The following KIAA1755 variants were observed in gnomAD, a reference collection of about 807,000 sequenced individuals.
KIAA1755 encodes KIAA1755, also known as uncharacterized protein KIAA1755.
KIAA1755 carries 68 observed loss-of-function variants against 91.7 expected under a neutral mutation model. The ratio of observed to expected loss-of-function variants is 0.74; its 90% CI spans 0.61 to 0.91. KIAA1755 has a LOEUF of 0.91. KIAA1755 is among the 40% of genes least tolerant of loss of function. The probability of loss-of-function intolerance (pLI) is 0.00; values close to 1 mark genes in which losing one functional copy is unlikely to be tolerated. For synonymous variants in KIAA1755, 610 were observed against 604.6 expected (o/e 1.01, Z -0.13); for missense variants, 1,535 against 1,494.4 (o/e 1.03, Z -0.45).
rs2075772995 is a variant in KIAA1755, at chr20:38,227,179, T to C, written c.2027A>G (p.Gln676Arg). The change falls in exon 7 of 14, where the codon CAG becomes CGG. Residue 676 changes from glutamine (Q) to arginine (R), a missense_variant. Coordinates refer to ENST00000279024, the MANE Select transcript of KIAA1755 (RefSeq NM_001029864.2). Reference protein sequence around the residue: ...LFLGEKEAALQLQTLPDVQVE... With the variant: ...LFLGEKEAALRLQTLPDVQVE... ...CTGGACGTCAGGTAATGTCTGCAGC[T>C]GGAGAGCCGCCTCCTTCTCCCCCAG... 6 of 1,613,826 alleles carry C rather than the reference T, an allele frequency of 3.7e-6. No homozygotes were observed. The highest frequency in any genetic ancestry group is 5.1e-6 in the Non-Finnish European group (6 of 1,179,906).
chr20:38,232,329 T>TA lies in KIAA1755; in HGVS notation c.1748-1005dup, dbSNP rs971063377. 1.3e-3 allele frequency among the ~76,000 whole-genome samples: 200 copies of TA among 150,618 alleles called. 1 individual carries two copies. The highest frequency in any genetic ancestry group is 1.4e-3 in the Non-Finnish European group (94 of 67,514). On this transcript the variant is annotated intron_variant, in intron 4 of 13. Coordinates refer to ENST00000279024, the MANE Select transcript of KIAA1755 (RefSeq NM_001029864.2). ...TTAAAATCTGATATAATTTTTAAAA[T>TA]AAAAAAAAAATTTGTGGCTGGGCAC...
intron 1 of KIAA1755, among the ~76,000 whole-genome samples, chr20:38,247,042 C>G (rs1036291732): frequency 6.6e-6 from 1 of 152,140 alleles, no homozygotes; most frequent in Non-Finnish European, 1.5e-5. Flanking sequence ...AGCCCGTCCC[C>G]CTGGCAGTCA....
chr20:38,232,061 G>T (rs190682922), intron 4 of KIAA1755, among the ~76,000 whole-genome samples: 3 of 152,298 alleles, frequency 2.0e-5, no homozygotes, highest in Admixed American at 2.0e-4. Flanking sequence ...AAATACAGCA[G>T]CAGGGAAAGA....
intron 10 of KIAA1755, among the ~76,000 whole-genome samples, chr20:38,220,163 T>G (rs955203183): frequency 6.6e-6 from 1 of 152,200 alleles, no homozygotes; most frequent in Non-Finnish European, 1.5e-5. Flanking sequence ...TTGTAAGGAT[T>G]AAATGATCTA....
intron 7 of KIAA1755, among the ~76,000 whole-genome samples, chr20:38,226,387 G>C (rs2075757000): frequency 6.6e-6 from 1 of 152,150 alleles, no homozygotes; most frequent in African/African-American, 2.4e-5. Flanking sequence ...TCAAAGTGTG[G>C]TCCATGGGCC....
chr20:38,231,042 G>A (rs2075851826), intron 5 of KIAA1755, among the ~76,000 whole-genome samples, 160 bp downstream of exon 5: 1 of 152,188 alleles, frequency 6.6e-6, no homozygotes, highest in Admixed American at 6.5e-5. Flanking sequence ...CAGGGACTGA[G>A]GCTGTTTTGC....
chr20:38,213,102 C>A lies in KIAA1755; in HGVS notation c.3543G>T (p.Gly1181=). The change falls in exon 14 of 14, where the codon GGG becomes GGT. Residue 1181 remains glycine, a synonymous_variant. Coordinates refer to ENST00000279024, the MANE Select transcript of KIAA1755 (RefSeq NM_001029864.2). ...CCTCAAGGGATGTCTGTGAGTCTGTCCCCTCTGAGGAGAAGCTGCCCCCAG... is the reference window on the plus strand; with the variant it reads ...CCTCAAGGGATGTCTGTGAGTCTGTACCCTCTGAGGAGAAGCTGCCCCCAG... ...RLTGGSFSSE[G]TDSQTSLEDS... 1 of 1,596,352 alleles carries A rather than the reference C, an allele frequency of 6.3e-7. No homozygotes were observed. Among genetic ancestry groups the A allele is most frequent in the South Asian group, 1.1e-5 (1 of 87,820 alleles).
chr20:38,255,158 C>G (rs1189938015), intron 1 of KIAA1755, among the ~76,000 whole-genome samples: 2 of 151,248 alleles, frequency 1.3e-5, no homozygotes, highest in Non-Finnish European at 1.5e-5. Context: ...GCCTGGGTGA[C>G]AGAGTGAGAT....
intron 4 of KIAA1755, chr20:38,233,255 G>A (rs2075901310): frequency 1.3e-5 from 2 of 152,176 alleles, no homozygotes; most frequent in African/African-American, 2.4e-5. Flanking sequence ...AATAGATGAA[G>A]CATGACAAAA....
intron 10 of KIAA1755, among the ~76,000 whole-genome samples, chr20:38,220,325 G>A (rs1411836228): frequency 6.6e-5 from 9 of 135,674 alleles, no homozygotes; most frequent in South Asian, 2.3e-4. Context: ...TTTTTGAGAC[G>A]GAGTCTCACT....
chr20:38,220,501 GACAGGGTTTC>G (rs2075638489), intron 10 of KIAA1755, among the ~76,000 whole-genome samples: 2 of 152,020 alleles, frequency 1.3e-5, no homozygotes, highest in African/African-American at 4.8e-5. Context: ...TTTTAGTAGA[GACAGGGTTTC>G]ACATATTGGC....
intron 1 of KIAA1755, 107 bp from the exon 2 acceptor site, chr20:38,246,233 T>G: frequency 1.1e-6 from 1 of 887,764 alleles, no homozygotes; most frequent in Non-Finnish European, 1.7e-6. Flanking sequence ...GCTAATTCTC[T>G]GACCTCCTCT....
At chr20:38,222,836 T>C (rs1568738602) in intron 9 of KIAA1755, 1 of 591,264 alleles carries the variant, frequency 1.7e-6, no homozygotes, top group East Asian at 2.9e-5. Context: ...GCCTCTTCGC[T>C]GATCTCCCTG....
intron 10 of KIAA1755, among the ~76,000 whole-genome samples, chr20:38,222,188 G>C (rs1186020728): frequency 6.6e-6 from 1 of 152,252 alleles, no homozygotes; most frequent in Non-Finnish European, 1.5e-5. Flanking sequence ...AAATGGGTAG[G>C]CGACATCCTC....
intron 4 of KIAA1755, among the ~76,000 whole-genome samples, chr20:38,238,302 T>A (rs763568202): frequency 3.9e-5 from 6 of 152,014 alleles, no homozygotes; most frequent in Non-Finnish European, 8.8e-5. Context: ...ACAGATAAGG[T>A]CTCCTGGGAG....
intron 1 of KIAA1755, among the ~76,000 whole-genome samples, chr20:38,250,462 A>ATATTATTATTATTATTAT (rs147689166): frequency 3.9e-4 from 57 of 147,732 alleles, no homozygotes; most frequent in African/African-American, 1.4e-3. Flanking sequence ...TTCTGTGGTC[A>ATATTATTATTATTATTAT]TATTATTATT....
At chr20:38,222,640 C>A (rs1167392083) in intron 9 of KIAA1755, 43 bp from the exon 10 acceptor site, 3 of 1,597,960 alleles carry the variant, frequency 1.9e-6, no homozygotes, top group Non-Finnish European at 1.7e-6. Flanking sequence ...TCCCCACTCT[C>A]CCTCTGCAAC....
At chr20:38,259,011 G>A (rs1223734761) in intron 1 of KIAA1755, among the ~76,000 whole-genome samples, 1 of 152,168 alleles carries the variant, frequency 6.6e-6, no homozygotes, top group African/African-American at 2.4e-5. Context: ...ACCGCCGAGT[G>A]CAGGCTCAGA....
In KIAA1755 at chr20:38,214,982, G is replaced by A. The variant is rs150784345; in HGVS notation, c.2902-1239C>T. ...GTGCAAGCACACGGAGCTCATGGCC[G>A]GGAAAGAGCTCCATAAATCTCCGTT... On this transcript the variant is annotated intron_variant, in intron 13 of 13. Coordinates refer to ENST00000279024, the MANE Select transcript of KIAA1755 (RefSeq NM_001029864.2). Among the ~76,000 whole-genome samples the A allele has an allele frequency of 3.3e-3, 502 of 152,302 alleles. 1 individual carries two copies. The highest frequency in any genetic ancestry group is 0.011 in the African/African-American group (474 of 41,556).
Sources: gnomAD v4.1 joint callset for allele counts (sites outside exome capture counted in the v4.1 genomes callset) on GRCh38, gnomAD v4.1.1 for gene constraint, MANE v1.5 for transcripts, NCBI Gene and HGNC (gene_info 2026-07-23, HGNC 2026-07-21) for gene names.